Variants in SDK1 observed in about 807,000 individuals in gnomAD.
SDK1 encodes the protein protein sidekick-1.
A neutral mutation model predicts 245.5 loss-of-function variants in SDK1; 157 were observed. That is an observed-to-expected ratio of 0.64 (90% CI 0.56 to 0.73). The LOEUF is 0.73. SDK1 is among the 30% of genes least tolerant of loss of function. SDK1 has a pLI of 0.00. For synonymous variants in SDK1, 1,647 were observed against 1,278.5 expected, an observed-to-expected ratio of 1.29 and a Z score of -6.15; for missense variants, 3,583 against 3,002.3, an observed-to-expected ratio of 1.19 and a Z score of -4.52.
At chr7:3,747,746 G>C (rs1320926330) in intron 4 of SDK1, among the ~76,000 whole-genome samples, 1 of 151,900 alleles carries the variant, frequency 6.6e-6, no homozygotes, top group Non-Finnish European at 1.5e-5. Context: ...CTGAAGAGTT[G>C]ATGAATGTTG....
intron 1 of SDK1, among the ~76,000 whole-genome samples, chr7:3,362,522 T>A (rs1780981241): frequency 6.6e-6 from 1 of 152,200 alleles, no homozygotes; most frequent in Non-Finnish European, 1.5e-5. Flanking sequence ...TATTTTTTCC[T>A]ATATCTTTAC....
intron 1 of SDK1, among the ~76,000 whole-genome samples, chr7:3,312,636 A>C (rs1779577936): frequency 6.6e-6 from 1 of 152,180 alleles, no homozygotes; most frequent in South Asian, 2.1e-4. Context: ...TTGAAGATAA[A>C]AACTGTATTG....
intron 22 of SDK1, among the ~76,000 whole-genome samples, chr7:4,082,437 A>T (rs887193253): frequency 6.6e-6 from 1 of 151,830 alleles, no homozygotes; most frequent in Non-Finnish European, 1.5e-5. Flanking sequence ...CAGGAAGCTG[A>T]AGCAGGAGAA....
At chr7:3,991,342 A>G (rs1784300014) in intron 14 of SDK1, among the ~76,000 whole-genome samples, 1 of 152,046 alleles carries the variant, frequency 6.6e-6, no homozygotes, top group Non-Finnish European at 1.5e-5. Context: ...TGGATCAAAT[A>G]TCACTTCTGC....
At chr7:4,239,243 C>G (rs556576553) in intron 42 of SDK1, among the ~76,000 whole-genome samples, 1 of 152,250 alleles carries the variant, frequency 6.6e-6, no homozygotes, top group East Asian at 1.9e-4. Flanking sequence ...TACATGAAGG[C>G]CAGGAACACC....
At chr7:4,196,850 TG>T (rs1259890110) in intron 35 of SDK1, among the ~76,000 whole-genome samples, 1 of 152,178 alleles carries the variant, frequency 6.6e-6, no homozygotes, top group Non-Finnish European at 1.5e-5. Flanking sequence ...ATTTATCTGA[TG>T]GATGTTGACT....
At position 4,233,354 on chromosome 7, in the gene SDK1, T is replaced by G. The variant is rs765986367; in HGVS notation, c.5927T>G (p.Phe1976Cys). ...DKLRQGVTYEFRVVAVNEAGY... is the reference protein window; with the variant it reads ...DKLRQGVTYECRVVAVNEAGY... ...CTCCGGCAAGGAGTGACTTACGAGT[T>G]CCGGGTGGTGGCTGTGAATGAGGCG... The change falls in exon 41 of 45, where the codon TTC becomes TGC. Residue 1976 changes from phenylalanine (F) to cysteine (C), a missense_variant. Transcript: ENST00000404826. 6.2e-7 allele frequency: 1 copy of G among 1,613,754 alleles called. No homozygotes were observed. Among genetic ancestry groups the G allele is most frequent in the African/African-American group, 1.3e-5 (1 of 74,940 alleles).
intron 5 of SDK1, among the ~76,000 whole-genome samples, chr7:3,899,596 C>T (rs1247111365): frequency 1.3e-5 from 2 of 152,236 alleles, no homozygotes; most frequent in African/African-American, 4.8e-5. Context: ...CTGCCTTGAC[C>T]TCCTGAGCAG....
chr7:3,613,219 G>C (rs898397104), intron 1 of SDK1, among the ~76,000 whole-genome samples: 2 of 152,144 alleles, frequency 1.3e-5, no homozygotes, highest in African/African-American at 4.8e-5. Context: ...AGGGAAGCCG[G>C]GGGACGCAGG....
intron 1 of SDK1, among the ~76,000 whole-genome samples, chr7:3,392,968 TTTTTTTTTTTTTC>T (rs1351982919): frequency 1.5e-5 from 2 of 134,020 alleles, no homozygotes; most frequent in Non-Finnish European, 3.1e-5. Flanking sequence ...TAAATTTTTT[TTTTTTTTTTTTTC>T]TTTTTTGAGA....
At chr7:3,662,397 T>TAC (rs1783394132) in intron 4 of SDK1, among the ~76,000 whole-genome samples, 1 of 152,208 alleles carries the variant, frequency 6.6e-6, no homozygotes, top group South Asian at 2.1e-4. Context: ...CATCTTTGCC[T>TAC]AGTCCCCTGT....
At position 4,128,564 on chromosome 7, in the gene SDK1, T is replaced by A. The variant is rs370610970; in HGVS notation, c.3939+1068T>A. On this transcript the variant is annotated intron_variant, in intron 26 of 44. Transcript: ENST00000404826. ...TGGAGCAGAGCAGCTTGGGGTGGGGTGCCCTGGAGGAGAGCATAGAGGAGA... is the reference window on the plus strand; with the variant it reads ...TGGAGCAGAGCAGCTTGGGGTGGGGAGCCCTGGAGGAGAGCATAGAGGAGA... Among the ~76,000 whole-genome samples, 18 of 150,718 alleles carry A rather than the reference T, an allele frequency of 1.2e-4. 1 individual carries two copies. Among genetic ancestry groups the A allele is most frequent in the Admixed American group, 7.9e-4 (12 of 15,208 alleles).
intron 1 of SDK1, among the ~76,000 whole-genome samples, chr7:3,354,418 A>T: frequency 6.6e-6 from 1 of 152,226 alleles, no homozygotes; most frequent in East Asian, 1.9e-4. Flanking sequence ...AATATAAGGA[A>T]AAAGTTGTTT....
chr7:3,452,296 G>A (rs1221997477), intron 1 of SDK1, among the ~76,000 whole-genome samples: 1 of 152,136 alleles, frequency 6.6e-6, no homozygotes, highest in Non-Finnish European at 1.5e-5. Flanking sequence ...GGCTTTATGT[G>A]TTGCCTTTGC....
chr7:3,604,052 A>G (rs1382688648), intron 1 of SDK1, among the ~76,000 whole-genome samples: 1 of 152,174 alleles, frequency 6.6e-6, no homozygotes, highest in Non-Finnish European at 1.5e-5. Context: ...ATGGTGGATA[A>G]GCTTTTTGAT....
chr7:3,302,386 A>G (rs1461728699), intron 1 of SDK1: 2 of 152,164 alleles, frequency 1.3e-5, no homozygotes, highest in African/African-American at 4.8e-5. Context: ...CCAAGTCCCA[A>G]AGCCCGACCC....
intron 43 of SDK1, among the ~76,000 whole-genome samples, chr7:4,242,267 C>T (rs1236805780): frequency 1.3e-5 from 2 of 152,156 alleles, no homozygotes; most frequent in African/African-American, 4.8e-5. Flanking sequence ...ACCTGGGCTG[C>T]CACAGGCCCG....
chr7:3,935,632 A>C (rs1187508818), intron 5 of SDK1, among the ~76,000 whole-genome samples: 1 of 152,206 alleles, frequency 6.6e-6, no homozygotes, highest in African/African-American at 2.4e-5. Context: ...AAAATACTCA[A>C]CATCACTAAT....
At chr7:3,893,820 C>A (rs560144856) in intron 5 of SDK1, among the ~76,000 whole-genome samples, 396 of 152,106 alleles carry the variant, frequency 2.6e-3, no homozygotes, top group Non-Finnish European at 4.5e-3. Flanking sequence ...CACCTGCCCC[C>A]ACCCTCACCT....
Sources: allele counts gnomAD v4.1 joint callset (sites outside exome capture counted in the v4.1 genomes callset), GRCh38; gene constraint gnomAD v4.1.1; transcripts MANE v1.5; gene names NCBI Gene and HGNC (gene_info 2026-07-23, HGNC 2026-07-21).